The following CPEB3 variants were observed in gnomAD, a reference collection of about 807,000 sequenced individuals.
CPEB3 encodes cytoplasmic polyadenylation element binding protein 3, also known as cytoplasmic polyadenylation element-binding protein 3.
Under a neutral mutation model 67.2 loss-of-function variants are expected in CPEB3, and 20 were observed. The observed-to-expected ratio is 0.30, with a 90% CI of 0.21 to 0.43. The LOEUF (loss-of-function observed/expected upper bound fraction) is 0.43. CPEB3 is among the 20% of genes least tolerant of loss of function. The pLI, the probability that CPEB3 is intolerant of heterozygous loss-of-function variation, is 1.00. For missense variants in CPEB3, 746 were observed against 968.6 expected (o/e 0.77, Z 3.05); for synonymous variants, 376 against 393.1 (o/e 0.96, Z 0.51).
At position 92,239,406 on chromosome 10, in the gene CPEB3, C is replaced by A. The variant is rs770004032; in HGVS notation, c.945G>T (p.Lys315Asn). The A allele has an allele frequency of 6.2e-7, 1 of 1,605,458 alleles. No individual in the cohort carries two copies. The highest frequency in any genetic ancestry group is 8.5e-7 in the Non-Finnish European group (1 of 1,175,870). The change falls in exon 2 of 10, where the codon AAG (lysine) becomes AAT (asparagine). Residue 315 changes from lysine to asparagine, a missense_variant. Transcript: ENST00000265997. The surrounding 1 kb of genome is among the most constrained non-coding windows in gnomAD (Gnocchi z 6.0). ...GGAAAGCGTTATCCTCCATCCAGGACTTGGAAGTGAGAGGGGCCGCGCGAG... is the reference window on the plus strand; with the variant it reads ...GGAAAGCGTTATCCTCCATCCAGGAATTGGAAGTGAGAGGGGCCGCGCGAG... ...KFPRAAPLTSKSWMEDNAFRT... is the reference protein window; with the variant it reads ...KFPRAAPLTSNSWMEDNAFRT...
chr10:92,155,264 A>G (rs1302326565), intron 4 of CPEB3, among the ~76,000 whole-genome samples: 7 of 152,238 alleles, frequency 4.6e-5, no homozygotes, highest in Non-Finnish European at 1.0e-4. Context: ...AATAAGTTAT[A>G]ACTCCAGTTC....
At chr10:92,119,259 C>T (rs1482236422) in intron 6 of CPEB3, 14 of 1,568,568 alleles carry the variant, frequency 8.9e-6, no homozygotes, top group Non-Finnish European at 1.2e-5. Context: ...AAAAGTTCTC[C>T]TTATTTGTTT....
intron 3 of CPEB3, among the ~76,000 whole-genome samples, chr10:92,181,352 C>T (rs183609261): frequency 8.5e-5 from 12 of 141,114 alleles, no homozygotes; most frequent in Admixed American, 5.9e-4. Flanking sequence ...TTATACTGTC[C>T]TTCCATTCAA....
intron 6 of CPEB3, chr10:92,137,857 C>T (rs537711483): frequency 2.3e-4 from 40 of 175,354 alleles, no homozygotes; most frequent in Admixed American, 3.8e-4. Context: ...AGAAATTAGC[C>T]GGGCATGGTG....
At chr10:92,224,984 T>C (rs1001942691) in intron 2 of CPEB3, among the ~76,000 whole-genome samples, 5 of 149,886 alleles carry the variant, frequency 3.3e-5, no homozygotes, top group African/African-American at 4.9e-5. Flanking sequence ...CTTTTTTTTT[T>C]TTATTTTTTG....
intron 9 of CPEB3, among the ~76,000 whole-genome samples, chr10:92,071,831 T>G: frequency 6.6e-6 from 1 of 152,206 alleles, no homozygotes; most frequent in Non-Finnish European, 1.5e-5. Flanking sequence ...GATCTCATTT[T>G]CATACTACAA....
At chr10:92,098,291 A>G (rs571584631) in intron 7 of CPEB3, among the ~76,000 whole-genome samples, 1 of 151,446 alleles carries the variant, frequency 6.6e-6, no homozygotes, top group East Asian at 1.9e-4. Flanking sequence ...CTACACTTCC[A>G]ATAATTCTGC....
intron 2 of CPEB3, among the ~76,000 whole-genome samples, chr10:92,207,096 C>T (rs1011838170): frequency 2.0e-5 from 3 of 152,132 alleles, no homozygotes; most frequent in Non-Finnish European, 2.9e-5. Flanking sequence ...GATCCTCCTA[C>T]CTCAGCCTCC....
At chr10:92,281,261 G>T (rs1005525164) in intron 1 of CPEB3, among the ~76,000 whole-genome samples, 12 of 151,266 alleles carry the variant, frequency 7.9e-5, no homozygotes, top group African/African-American at 2.9e-4. Flanking sequence ...TTGGGCGGGG[G>T]TGCAGGAGGG....
intron 9 of CPEB3, among the ~76,000 whole-genome samples, chr10:92,060,006 A>G (rs1047720293): frequency 3.3e-5 from 5 of 152,070 alleles, no homozygotes; most frequent in African/African-American, 1.2e-4. Flanking sequence ...TAAAAACCAT[A>G]TTATCATTTT....
intron 9 of CPEB3, among the ~76,000 whole-genome samples, chr10:92,080,260 T>C (rs1843094540): frequency 6.6e-6 from 1 of 152,032 alleles, no homozygotes; most frequent in African/African-American, 2.4e-5. Flanking sequence ...TTTTCATTTA[T>C]TAATACAGGG....
At chr10:92,174,732 T>C (rs1463171186) in intron 4 of CPEB3, among the ~76,000 whole-genome samples, 1 of 152,156 alleles carries the variant, frequency 6.6e-6, no homozygotes, top group East Asian at 1.9e-4. Flanking sequence ...AAGTGGTACT[T>C]CAGAATTCTA....
chr10:92,077,689 G>C (rs1351248973), intron 9 of CPEB3, among the ~76,000 whole-genome samples: 1 of 151,940 alleles, frequency 6.6e-6, no homozygotes, highest in Middle Eastern at 3.4e-3. Flanking sequence ...AGCCCAGGAG[G>C]TTGAAGCTGC....
At chr10:92,252,332 G>A (rs1253273011) in intron 1 of CPEB3, among the ~76,000 whole-genome samples, 1 of 151,978 alleles carries the variant, frequency 6.6e-6, no homozygotes, top group Non-Finnish European at 1.5e-5. Flanking sequence ...AAACAATGCT[G>A]GTGAAAGTAT....
chr10:92,167,274 C>T (rs1441596080), intron 4 of CPEB3, among the ~76,000 whole-genome samples: 1 of 152,194 alleles, frequency 6.6e-6, no homozygotes, highest in African/African-American at 2.4e-5. Flanking sequence ...CCTTCAAGAA[C>T]CTTTCCATTT....
rs985798921 is a variant in CPEB3 at position 92,052,443 on chromosome 10, G to A, written c.1870-4C>T. 1 of 1,601,884 alleles carries A rather than the reference G, an allele frequency of 6.2e-7. No homozygotes were observed. Among genetic ancestry groups the A allele is most frequent in the African/African-American group, 1.3e-5 (1 of 74,730 alleles). The stretch of plus-strand genomic sequence containing the variant: ...GCACATATGGCTTTACTTCAACCTG[G>A]ACCCAAAGAGGAAAGACAGAGAAAA... On this transcript the variant is annotated splice_region_variant and splice_polypyrimidine_tract_variant and intron_variant, in intron 9 of 9. Transcript: ENST00000265997.
rs117510983 is a variant in CPEB3 at position 92,147,569 on chromosome 10, C to T, written c.1223-2484G>A. 1.8e-3 allele frequency among the ~76,000 whole-genome samples: 269 copies of T among 152,204 alleles called. 8 individuals carry two copies. In the East Asian group the frequency reaches 0.036, roughly 20 times the overall value. On this transcript the variant is annotated intron_variant, in intron 4 of 9. Transcript: ENST00000265997. ...ATATTCACCCATATTTCAGTGACAC[C>T]GAACAAATAAGATACTTCCTTGCCA...
chr10:92,214,481 C>G (rs1351483321), intron 2 of CPEB3, among the ~76,000 whole-genome samples: 1 of 151,896 alleles, frequency 6.6e-6, no homozygotes, highest in Admixed American at 6.6e-5. Flanking sequence ...AACTAAGATA[C>G]CACTCAATTT....
At chr10:92,141,305 A>C (rs1230691821) in intron 6 of CPEB3, among the ~76,000 whole-genome samples, 6 of 151,928 alleles carry the variant, frequency 3.9e-5, no homozygotes, top group African/African-American at 1.5e-4. Flanking sequence ...GCAGCCATAA[A>C]AAAGGATGAG....
Sources: gnomAD v4.1 joint callset for allele counts (sites outside exome capture counted in the v4.1 genomes callset) on GRCh38, gnomAD v4.1.1 for gene constraint, Gnocchi (gnomAD v3.1) non-coding constraint, MANE v1.5 for transcripts, NCBI Gene and HGNC (gene_info 2026-07-23, HGNC 2026-07-21) for gene names.